Variants in DUS4L observed in about 807,000 individuals in gnomAD.
The protein encoded by DUS4L is tRNA-dihydrouridine(20a/20b) synthase [NAD(P)+]-like.
Under a neutral mutation model 33.8 loss-of-function variants are expected in DUS4L, and 31 were observed. The observed-to-expected ratio is 0.92, with a 90% confidence interval of 0.69 to 1.24. The LOEUF (loss-of-function observed/expected upper bound fraction) is 1.24, where lower values mean the gene tolerates loss of function less well. Among genes scored for constraint, DUS4L ranks in the 50% most tolerant of loss-of-function variants. The pLI, the probability that DUS4L is intolerant of heterozygous loss-of-function variation, is 0.00. For missense variants in DUS4L, 368 were observed against 388.6 expected (o/e 0.95, Z 0.45); for synonymous variants, 103 against 120.3 (o/e 0.86, Z 0.94).
At chr7:107,574,998 T>C in intron 5 of DUS4L, 190 bp from the exon 6 acceptor site, 1 of 706,206 alleles carries the variant, frequency 1.4e-6, no homozygotes, top group South Asian at 1.8e-5. Flanking sequence ...TGAGTACTTT[T>C]TGATCTGGGA....
rs1805891053 is a variant in DUS4L at position 107,577,824 on chromosome 7, GC to G, written c.*265del. 3.3e-6 allele frequency: 1 copy of G among 302,896 alleles called. No individual in the cohort carries two copies. Among genetic ancestry groups the G allele is most frequent in the South Asian group, 6.3e-5 (1 of 15,882 alleles). The allele number at this position is 302,896 out of a possible 1,614,324, so 18.8% of individuals were successfully genotyped here. On this transcript the variant is annotated 3_prime_UTR_variant, in exon 8 of 8. Coordinates refer to ENST00000265720, the MANE Select transcript of DUS4L (RefSeq NM_181581.3). ...TCCTAGGCAAACATTGACAAATACT[GC>G]TCTGAATCCTGTTCTATAGATATTG...
chr7:107,568,877 G>A (rs1241444537), intron 3 of DUS4L, among the ~76,000 whole-genome samples: 1 of 152,190 alleles, frequency 6.6e-6, no homozygotes, highest in Admixed American at 6.5e-5. Flanking sequence ...GTTGCCTATG[G>A]ATGTCCAATT....
chr7:107,577,621 C>CA lies in DUS4L; in HGVS notation c.*62dup. The CA allele has an allele frequency of 6.5e-7, 1 of 1,529,328 alleles. No homozygotes were observed. Among genetic ancestry groups the CA allele is most frequent in the Non-Finnish European group, 8.8e-7 (1 of 1,133,350 alleles). The allele number at this position is 1,529,328 out of a possible 1,614,324, so 94.7% of individuals were successfully genotyped here. A position where few individuals can be genotyped will look rare whatever the true frequency, so the allele number is the denominator to read the frequency against. ...GACCCACAGTGAAACCACAGAAGGT[C>CA]ATATTTTGTACCTTAAACCAGTAGC... On this transcript the variant is annotated 3_prime_UTR_variant, in exon 8 of 8. Transcript: ENST00000265720.
At position 107,572,699 on chromosome 7, in the gene DUS4L, A is replaced by G. The variant is rs114919963; in HGVS notation, c.239-1005A>G. On this transcript the variant is annotated intron_variant, in intron 4 of 7. Transcript: ENST00000265720. ...ACCCTATCTCTACTAAAAATGCAAA[A>G]ATTGGCTGGCCATGGTGGCAGGTGC... 4.3e-3 allele frequency among the ~76,000 whole-genome samples: 659 copies of G among 152,154 alleles called. 8 individuals carry two copies. Among genetic ancestry groups the G allele is most frequent in the African/African-American group, 0.015 (622 of 41,468 alleles).
chr7:107,569,345 A>G (rs1429944876), intron 3 of DUS4L, among the ~76,000 whole-genome samples: 1 of 152,246 alleles, frequency 6.6e-6, no homozygotes, highest in Non-Finnish European at 1.5e-5. Context: ...ATAGCTCTAT[A>G]ATATGTCTTG....
chr7:107,575,046 T>C (rs1312767255), intron 5 of DUS4L, 142 bp from the exon 6 acceptor site: 1 of 1,063,690 alleles, frequency 9.4e-7, no homozygotes, highest in Non-Finnish European at 1.4e-6. Flanking sequence ...CACTTAGAAA[T>C]GTTGAATCTA....
intron 7 of DUS4L, 60 bp downstream of exon 7, chr7:107,576,652 T>A (rs1805784676): frequency 3.0e-6 from 4 of 1,319,604 alleles, no homozygotes; most frequent in Non-Finnish European, 4.2e-6. Flanking sequence ...AGTGGGGAAG[T>A]AATGTTAATT....
At chr7:107,572,841 T>TC (rs1554469909) in intron 4 of DUS4L, among the ~76,000 whole-genome samples, 1 of 137,846 alleles carries the variant, frequency 7.3e-6, no homozygotes, top group African/African-American at 3.0e-5. Flanking sequence ...AGACTCTGTC[T>TC]CAAAAAAAAA....
intron 5 of DUS4L, among the ~76,000 whole-genome samples, chr7:107,574,466 G>A (rs1370362726): frequency 6.6e-6 from 1 of 151,140 alleles, no homozygotes; most frequent in East Asian, 1.9e-4. Context: ...AGCCTCCTGA[G>A]TAGCTGGGAT....
At chr7:107,572,648 G>A (rs1260808296) in intron 4 of DUS4L, among the ~76,000 whole-genome samples, 1 of 152,086 alleles carries the variant, frequency 6.6e-6, no homozygotes. Flanking sequence ...TCAGGAGTTT[G>A]AGACCAGCCT....
intron 3 of DUS4L, among the ~76,000 whole-genome samples, 163 bp downstream of exon 3, chr7:107,567,349 T>C (rs1161843563): frequency 6.6e-6 from 1 of 152,152 alleles, no homozygotes; most frequent in East Asian, 1.9e-4. Context: ...GCCTAGTATA[T>C]ATGTGATCCT....
At position 107,564,047 on chromosome 7, in the gene DUS4L, A is replaced by G. The variant is rs1342725119; in HGVS notation, c.-273A>G. ...GCCCGCGCCTGGGCTAAGCCTGGCT[A>G]GGAGCCGCGCAGGTACTCGAGCAGT... is the stretch of plus-strand genomic sequence containing the variant. On this transcript the variant is annotated 5_prime_UTR_variant, in exon 1 of 8. Transcript: ENST00000265720. 1.3e-6 allele frequency: 2 copies of G among 1,515,454 alleles called. No individual in the cohort carries two copies. Among genetic ancestry groups the G allele is most frequent in the Non-Finnish European group, 8.9e-7 (1 of 1,128,986 alleles). 93.9% of individuals were successfully genotyped at this position (1,515,454 alleles called of 1,614,324 possible).
Position 107,567,024 on chromosome 7 carries a change from C to T in DUS4L, c.-21-26C>T, listed in dbSNP as rs371705355. On this transcript the variant is annotated intron_variant, in intron 2 of 7. Transcript: ENST00000265720. ...TTAATATAGTGAAAACATATTTTCT[C>T]TATACAAGCTTATTGTCTTTTTCAG... 1.9e-5 allele frequency: 28 copies of T among 1,455,904 alleles called. No homozygotes were observed. In the African/African-American group the frequency reaches 2.6e-4, roughly 13 times the overall value. The allele number at this position is 1,455,904 out of a possible 1,614,324, so 90.2% of individuals were successfully genotyped here. A position where few individuals can be genotyped will look rare whatever the true frequency, so the allele number is the denominator to read the frequency against.
intron 4 of DUS4L, among the ~76,000 whole-genome samples, chr7:107,573,190 A>G (rs11762604): frequency 0.023 from 3,444 of 152,364 alleles, 56 homozygotes; most frequent in Middle Eastern, 0.079. Context: ...AATGCCTATT[A>G]ACAATTCTCC....
rs546024139 is a variant in DUS4L, at chr7:107,575,910, C to A, written c.480-456C>A. 4.6e-5 allele frequency among the ~76,000 whole-genome samples: 7 copies of A among 152,342 alleles called. No individual in the cohort carries two copies. In the East Asian group the frequency reaches 1.2e-3, roughly 25 times the overall value. On this transcript the variant is annotated intron_variant, in intron 6 of 7. Transcript: ENST00000265720. ...GTTTCGCCACGTTGGCCAGGCCAGTCCTGAGCTCCTGGCCTCAAGTGATCC... is the reference window on the plus strand; with the variant it reads ...GTTTCGCCACGTTGGCCAGGCCAGTACTGAGCTCCTGGCCTCAAGTGATCC...
chr7:107,573,859 G>A lies in DUS4L; in HGVS notation c.356+38G>A, dbSNP rs753312869. On this transcript the variant is annotated intron_variant, in intron 5 of 7. Coordinates refer to ENST00000265720, the MANE Select transcript of DUS4L (RefSeq NM_181581.3). Reference sequence around the variant, plus strand: ...GAAGTTGGAAGAATTTTCCAAAAGAGTAGAAAAAAAACTGTGTGAACATGG... The same window carrying A: ...GAAGTTGGAAGAATTTTCCAAAAGAATAGAAAAAAAACTGTGTGAACATGG... The A allele has an allele frequency of 7.6e-6, 11 of 1,452,678 alleles. No individual in the cohort carries two copies. The South Asian group carries it at 1.4e-4, about 18-fold the overall frequency. The allele number at this position is 1,452,678 out of a possible 1,614,324, so 90.0% of individuals were successfully genotyped here.
Position 107,567,848 on chromosome 7 carries a change from T to C in DUS4L, c.116+662T>C, listed in dbSNP as rs1406877158. 1.7e-5 allele frequency: 7 copies of C among 416,060 alleles called. No individual in the cohort carries two copies. The East Asian group carries it at 5.3e-4, about 31-fold the overall frequency. The allele number at this position is 416,060 out of a possible 1,614,324, so 25.8% of individuals were successfully genotyped here. A position where few individuals can be genotyped will look rare whatever the true frequency, so the allele number is the denominator to read the frequency against. Reference sequence around the variant, plus strand: ...ACCATTATTCTACTTTCTCCCTCTATGAACTTCACTACTCTAGGTACCTCA... The same window carrying C: ...ACCATTATTCTACTTTCTCCCTCTACGAACTTCACTACTCTAGGTACCTCA... On this transcript the variant is annotated intron_variant, in intron 3 of 7. Coordinates refer to ENST00000265720, the MANE Select transcript of DUS4L (RefSeq NM_181581.3).
chr7:107,577,276 T>G, intron 7 of DUS4L, 37 bp from the exon 8 acceptor site: 3 of 1,606,292 alleles, frequency 1.9e-6, no homozygotes, highest in Non-Finnish European at 2.6e-6. Flanking sequence ...CAGGGGTTCT[T>G]AATGTATGGA....
chr7:107,568,952 C>G (rs914339761), intron 3 of DUS4L, among the ~76,000 whole-genome samples: 1 of 152,260 alleles, frequency 6.6e-6, no homozygotes, highest in African/African-American at 2.4e-5. Flanking sequence ...AAATCCTAAT[C>G]CCAGCACTTT....
Sources: allele counts gnomAD v4.1 joint callset (sites outside exome capture counted in the v4.1 genomes callset), GRCh38; gene constraint gnomAD v4.1.1; transcripts MANE v1.5; gene names NCBI Gene and HGNC (gene_info 2026-07-23, HGNC 2026-07-21).